Variants in ASS1 observed in about 807,000 individuals in gnomAD.
ASS1 encodes the protein argininosuccinate synthase.
In ASS1, 58 loss-of-function variants were observed where a neutral mutation model predicts 60.5. That is an observed-to-expected ratio of 0.96 (90% confidence interval 0.78 to 1.19). The LOEUF (loss-of-function observed/expected upper bound fraction) is 1.19. Among genes scored for constraint, ASS1 ranks in the 50% most tolerant of loss-of-function variants. The pLI is 0.00. For synonymous variants in ASS1, 200 were observed against 206.9 expected (o/e 0.97, Z 0.29); for missense variants, 454 against 547.3 (o/e 0.83, Z 1.70).
chr9:130,454,431 T>C, intron 3 of ASS1, 58 bp downstream of exon 3: 3 of 1,528,690 alleles, frequency 2.0e-6, no homozygotes, highest in Non-Finnish European at 2.7e-6. Context: ...TGGAGGGCAG[T>C]GGTGGATGCT....
At chr9:130,493,324 C>T (rs1014900405) in intron 12 of ASS1, among the ~76,000 whole-genome samples, 3 of 152,216 alleles carry the variant, frequency 2.0e-5, no homozygotes, top group Non-Finnish European at 4.4e-5. Context: ...AAACGCTTTG[C>T]GCTCTGTGCA....
intron 3 of ASS1, among the ~76,000 whole-genome samples, chr9:130,455,417 C>G (rs1215991): frequency 0.56 from 85,120 of 151,902 alleles, 25,723 homozygotes; most frequent in Admixed American, 0.68. Flanking sequence ...ATCCATCCAT[C>G]CTTCATCCAT....
rs752862441 is a variant in ASS1, at chr9:130,471,486, T to C, written c.568T>C (p.Tyr190His). The C allele has an allele frequency of 2.0e-5, 32 of 1,613,996 alleles. 2 individuals are homozygous for C. In the South Asian group the frequency reaches 3.5e-4, roughly 18 times the overall value. The change falls in exon 8 of 15, where the codon TAC becomes CAC. Residue 190 changes from tyrosine to histidine, a missense_variant and splice_region_variant. Coordinates refer to ENST00000352480, the MANE Select transcript of ASS1 (RefSeq NM_054012.4). ...CTGTCTTTCCTTTCCCCTCCGCAGC[T>C]ACGAGGCTGGAATCCTGGAGAACCC... ...SMDENLMHIS[Y>H]EAGILENPKN...
Position 130,494,080 on chromosome 9 carries a change from G to C in ASS1, c.971-787G>C, listed in dbSNP as rs1846522877. Among the ~76,000 whole-genome samples the C allele has an allele frequency of 6.6e-6, 1 of 152,188 alleles. No individual in the cohort carries two copies. The highest frequency in any genetic ancestry group is 2.1e-4 in the South Asian group (1 of 4,832). Reference sequence around the variant, plus strand: ...TCTCTGAGCCTCCCTTCCTCACCCAGAAAGGGGAGAGGCTAAGAGAGTTTC... The same window carrying C: ...TCTCTGAGCCTCCCTTCCTCACCCACAAAGGGGAGAGGCTAAGAGAGTTTC... On this transcript the variant is annotated intron_variant, in intron 12 of 14. Coordinates refer to ENST00000352480, the MANE Select transcript of ASS1 (RefSeq NM_054012.4). This position sits in a 1 kb window ranked among gnomAD's most constrained non-coding sequence, Gnocchi z 4.3.
At chr9:130,464,566 G>A (rs1473753528) in intron 5 of ASS1, among the ~76,000 whole-genome samples, 1 of 152,066 alleles carries the variant, frequency 6.6e-6, no homozygotes, top group Non-Finnish European at 1.5e-5. Flanking sequence ...GGGATGCTCA[G>A]AGCCCTCCGA....
Position 130,489,316 on chromosome 9 carries a change from C to T in ASS1, c.839-17C>T. The T allele has an allele frequency of 6.2e-7, 1 of 1,613,308 alleles. No individual in the cohort carries two copies. The highest frequency in any genetic ancestry group is 8.5e-7 in the Non-Finnish European group (1 of 1,179,820). Reference sequence around the variant, plus strand: ...TCTCTTTTTTCTCCTTTTCCCCCTGCCTGGAAAAATGGCTAGGTATCTACG... The same window carrying T: ...TCTCTTTTTTCTCCTTTTCCCCCTGTCTGGAAAAATGGCTAGGTATCTACG... On this transcript the variant is annotated splice_polypyrimidine_tract_variant and intron_variant, in intron 11 of 14. Transcript: ENST00000352480. The surrounding 1 kb of genome is among the most constrained non-coding windows in gnomAD (Gnocchi z 4.1).
At chr9:130,462,962 C>A (rs545361011) in intron 4 of ASS1, among the ~76,000 whole-genome samples, 8 of 152,310 alleles carry the variant, frequency 5.3e-5, no homozygotes, top group Non-Finnish European at 1.0e-4. Context: ...GGCTAAAAAT[C>A]CCCCTGGCCC....
Position 130,470,819 on chromosome 9 carries a change from G to A in ASS1, c.496-15G>A, listed in dbSNP as rs1845848889. On this transcript the variant is annotated splice_polypyrimidine_tract_variant and intron_variant, in intron 6 of 14. Transcript: ENST00000352480. This position sits in a 1 kb window ranked among gnomAD's most constrained non-coding sequence, Gnocchi z 4.3. ...CAGCCGCCTTACCTCCACCTGTGCT[G>A]TCTCTTTCCTGCAGCAACACGGGAT... 3 of 1,613,802 alleles carry A rather than the reference G, an allele frequency of 1.9e-6. No individual in the cohort carries two copies. Among genetic ancestry groups the A allele is most frequent in the Non-Finnish European group, 2.5e-6 (3 of 1,179,802 alleles).
At chr9:130,464,807 A>C (rs990400354) in intron 5 of ASS1, among the ~76,000 whole-genome samples, 2 of 151,576 alleles carry the variant, frequency 1.3e-5, no homozygotes, top group Non-Finnish European at 1.5e-5. Flanking sequence ...GCGTCCATGC[A>C]TGAATGATGG....
rs1049427471 is a variant in ASS1 at position 130,477,894 on chromosome 9, G to A, written c.688+933G>A. On this transcript the variant is annotated intron_variant, in intron 9 of 14. Coordinates refer to ENST00000352480, the MANE Select transcript of ASS1 (RefSeq NM_054012.4). This position sits in a 1 kb window ranked among gnomAD's most constrained non-coding sequence, Gnocchi z 4.2. ...GAGGCCTGGCCCGGCTCTGGCGCTC[G>A]GCTCTTACCCCGGCTACCACAGAAA... Among the ~76,000 whole-genome samples, 14 of 152,094 alleles carry A rather than the reference G, an allele frequency of 9.2e-5. No individual in the cohort carries two copies. Among genetic ancestry groups the A allele is most frequent in the African/African-American group, 2.9e-4 (12 of 41,424 alleles).
intron 11 of ASS1, among the ~76,000 whole-genome samples, chr9:130,485,433 G>A (rs1388548324): frequency 6.7e-6 from 1 of 149,354 alleles, no homozygotes; most frequent in African/African-American, 2.6e-5. Context: ...CTTCTGTAAA[G>A]GCCAAGCTGG....
In ASS1 at chr9:130,489,939, C is replaced by T. The variant is rs1846409444; in HGVS notation, c.970+475C>T. On this transcript the variant is annotated intron_variant, in intron 12 of 14. Transcript: ENST00000352480. This position sits in a 1 kb window ranked among gnomAD's most constrained non-coding sequence, Gnocchi z 4.1. ...AAGTCAGGCTGTCTCCAGGAAGAACCTGGACCTACTCCATGAACTTGAGGG... is the reference window on the plus strand; with the variant it reads ...AAGTCAGGCTGTCTCCAGGAAGAACTTGGACCTACTCCATGAACTTGAGGG... Among the ~76,000 whole-genome samples, 1 of 152,252 alleles carries T rather than the reference C, an allele frequency of 6.6e-6. No individual in the cohort carries two copies. Among genetic ancestry groups the T allele is most frequent in the Non-Finnish European group, 1.5e-5 (1 of 68,036 alleles).
rs937750782 is a variant in ASS1, at chr9:130,478,703, G to T, written c.689-1013G>T. On this transcript the variant is annotated intron_variant, in intron 9 of 14. Coordinates refer to ENST00000352480, the MANE Select transcript of ASS1 (RefSeq NM_054012.4). This position sits in a 1 kb window ranked among gnomAD's most constrained non-coding sequence, Gnocchi z 4.7. ...GAAGGCCGATAATAGGACCGGGGAGGGAGAGAAAGGGAGAGAGGAGAGGCG... is the reference window on the plus strand; with the variant it reads ...GAAGGCCGATAATAGGACCGGGGAGTGAGAGAAAGGGAGAGAGGAGAGGCG... 6.6e-6 allele frequency among the ~76,000 whole-genome samples: 1 copy of T among 152,212 alleles called. No individual in the cohort carries two copies. Among genetic ancestry groups the T allele is most frequent in the Admixed American group, 6.5e-5 (1 of 15,284 alleles).
At chr9:130,479,907 G>A (rs376086449) in intron 10 of ASS1, 107 bp downstream of exon 10, 37 of 1,268,534 alleles carry the variant, frequency 2.9e-5, no homozygotes, top group Non-Finnish European at 4.2e-5. Context: ...GGGGTGCGGA[G>A]CACAGGCCAT....
intron 3 of ASS1, among the ~76,000 whole-genome samples, chr9:130,454,894 C>T (rs1239988527): frequency 6.6e-6 from 1 of 150,542 alleles, no homozygotes. Context: ...CATCCATCAC[C>T]CATCCACTCA....
At chr9:130,481,985 C>T (rs892913977) in intron 11 of ASS1, among the ~76,000 whole-genome samples, 4 of 152,102 alleles carry the variant, frequency 2.6e-5, no homozygotes, top group Non-Finnish European at 5.9e-5. Context: ...GGAGCCAGCG[C>T]GGTGTGCACC....
intron 1 of ASS1, among the ~76,000 whole-genome samples, chr9:130,450,614 G>T (rs1052560681): frequency 6.6e-6 from 1 of 152,224 alleles, no homozygotes; most frequent in Non-Finnish European, 1.5e-5. Flanking sequence ...CGGCTGACTG[G>T]CAGGTGGGAC....
intron 11 of ASS1, among the ~76,000 whole-genome samples, chr9:130,480,898 G>T (rs566351024): frequency 3.3e-5 from 5 of 152,234 alleles, no homozygotes; most frequent in Admixed American, 6.5e-5. Context: ...ACTGGGAGCC[G>T]GCCAGGGCCT....
Position 130,470,372 on chromosome 9 carries a change from G to C in ASS1, c.496-462G>C, listed in dbSNP as rs1845838805. On this transcript the variant is annotated intron_variant, in intron 6 of 14. Coordinates refer to ENST00000352480, the MANE Select transcript of ASS1 (RefSeq NM_054012.4). This position sits in a 1 kb window ranked among gnomAD's most constrained non-coding sequence, Gnocchi z 4.3. ...TGCCCCCAGAAGGTGTGGGCCATGA[G>C]CTAAAAGCTCTCCCTGCATCCTACC... Among the ~76,000 whole-genome samples, 1 of 152,172 alleles carries C rather than the reference G, an allele frequency of 6.6e-6. No homozygotes were observed. Among genetic ancestry groups the C allele is most frequent in the South Asian group, 2.1e-4 (1 of 4,830 alleles).
Sources: allele counts gnomAD v4.1 joint callset (sites outside exome capture counted in the v4.1 genomes callset), GRCh38; gene constraint gnomAD v4.1.1; non-coding constraint Gnocchi (gnomAD v3.1); transcripts MANE v1.5; gene names NCBI Gene and HGNC (gene_info 2026-07-23, HGNC 2026-07-21).